Variants in GALNT13 observed in about 807,000 individuals in gnomAD.
GALNT13 encodes polypeptide N-acetylgalactosaminyltransferase 13.
GALNT13 carries 28 observed loss-of-function variants against 64.2 expected under a neutral mutation model. The observed-to-expected ratio is 0.44, with a 90% CI of 0.32 to 0.60. The LOEUF is 0.60. GALNT13 is among the 20% of genes least tolerant of loss of function. GALNT13 has a pLI of 0.05. For missense variants in GALNT13, 577 were observed against 669.8 expected (o/e 0.86, Z 1.53); for synonymous variants, 214 against 224.6 (o/e 0.95, Z 0.42).
chr2:153,569,113 G>A, the GALNT13 span, among the ~76,000 whole-genome samples: 4 of 152,074 alleles, frequency 2.6e-5, no homozygotes, highest in African/African-American at 7.2e-5. Context: ...TTTTTGGGGG[G>A]TACAGTGGAA....
chr2:153,126,045 A>G, the GALNT13 span, among the ~76,000 whole-genome samples: 11 of 151,858 alleles, frequency 7.2e-5, no homozygotes, highest in Non-Finnish European at 1.5e-4. Context: ...CAGTGCATCA[A>G]AAGACCTATA....
the GALNT13 span, among the ~76,000 whole-genome samples, chr2:153,403,723 C>G: frequency 6.6e-6 from 1 of 152,082 alleles, no homozygotes; most frequent in African/African-American, 2.4e-5. Context: ...TTTTTTGACT[C>G]GGAAAGGGAA....
chr2:153,339,919 T>C, the GALNT13 span, among the ~76,000 whole-genome samples: 1 of 152,206 alleles, frequency 6.6e-6, no homozygotes, highest in African/African-American at 2.4e-5. Context: ...TAAATGTGTA[T>C]ATTTATTTCT....
chr2:153,161,316 A>G, the GALNT13 span, among the ~76,000 whole-genome samples: 1 of 152,146 alleles, frequency 6.6e-6, no homozygotes, highest in Non-Finnish European at 1.5e-5. Context: ...CCGAGTATTA[A>G]CCGCATGTCA....
At chr2:153,116,041 TA>T in the GALNT13 span, among the ~76,000 whole-genome samples, 1 of 152,154 alleles carries the variant, frequency 6.6e-6, no homozygotes, top group African/African-American at 2.4e-5. Flanking sequence ...ATGGTTAAAT[TA>T]AAAGTGTGGT....
At chr2:153,495,030 A>G in the GALNT13 span, among the ~76,000 whole-genome samples, 1 of 152,160 alleles carries the variant, frequency 6.6e-6, no homozygotes, top group Non-Finnish European at 1.5e-5. Flanking sequence ...AATACTACAT[A>G]GACTAGTTAA....
chr2:153,927,779 C>T (rs189442350), intron 2 of GALNT13, among the ~76,000 whole-genome samples: 3 of 152,038 alleles, frequency 2.0e-5, no homozygotes, highest in African/African-American at 7.2e-5. Flanking sequence ...GGAAAAAAAC[C>T]GAAGCTCCAA....
At chr2:153,790,179 C>T in the GALNT13 span, among the ~76,000 whole-genome samples, 1 of 152,242 alleles carries the variant, frequency 6.6e-6, no homozygotes, top group African/African-American at 2.4e-5. Context: ...TGCAAAAACA[C>T]TCAAGAAAAT....
the GALNT13 span, among the ~76,000 whole-genome samples, chr2:153,855,766 A>T: frequency 6.6e-6 from 1 of 152,196 alleles, no homozygotes; most frequent in Non-Finnish European, 1.5e-5. Flanking sequence ...ACATACATCC[A>T]CACAAATACT....
chr2:153,898,702 A>C (rs1304562643), intron 1 of GALNT13, among the ~76,000 whole-genome samples: 1 of 152,010 alleles, frequency 6.6e-6, no homozygotes, highest in East Asian at 1.9e-4. Flanking sequence ...AAACCCACAA[A>C]ATTTTAAAAC....
chr2:154,199,331 A>G (rs1687048078), intron 4 of GALNT13, among the ~76,000 whole-genome samples: 1 of 152,078 alleles, frequency 6.6e-6, no homozygotes, highest in African/African-American at 2.4e-5. Context: ...TCTAGGAAGT[A>G]GAATAAAATA....
In GALNT13 at chr2:154,313,193, A is replaced by G. The variant is rs574866153; in HGVS notation, c.1156+11604A>G. Among the ~76,000 whole-genome samples, 2 of 150,276 alleles carry G rather than the reference A, an allele frequency of 1.3e-5. 1 individual carries two copies. Among genetic ancestry groups the G allele is most frequent in the Admixed American group, 1.3e-4 (2 of 15,028 alleles). ...GAATAGAACTTAAGTTCTAGCATAT[A>G]TGTACACATATGTGTATACATACAC... On this transcript the variant is annotated intron_variant, in intron 9 of 12. Transcript: ENST00000392825.
At chr2:153,880,724 A>G (rs921148944) in intron 1 of GALNT13, among the ~76,000 whole-genome samples, 66 of 152,170 alleles carry the variant, frequency 4.3e-4, no homozygotes, top group African/African-American at 1.5e-3. Flanking sequence ...AATATGGTGC[A>G]GATTTTATTC....
chr2:153,305,213 T>G, the GALNT13 span, among the ~76,000 whole-genome samples: 1 of 152,120 alleles, frequency 6.6e-6, no homozygotes, highest in African/African-American at 2.4e-5. Flanking sequence ...CTTATCAGTA[T>G]TCTGTGATGG....
the GALNT13 span, among the ~76,000 whole-genome samples, chr2:153,649,243 TA>T: frequency 6.6e-6 from 1 of 152,234 alleles, no homozygotes; most frequent in Non-Finnish European, 1.5e-5. Context: ...TTTTCTAGTT[TA>T]TTTGCACAGA....
At chr2:153,265,960 TCAGATGGTCGTTAA>T in the GALNT13 span, among the ~76,000 whole-genome samples, 1 of 152,316 alleles carries the variant, frequency 6.6e-6, no homozygotes, top group Middle Eastern at 3.4e-3. Flanking sequence ...TCACATACCC[TCAGATGGTCGTTAA>T]CAATTTTTTT....
At chr2:153,497,522 ATTTTTTTTTTTTTTTT>A in the GALNT13 span, among the ~76,000 whole-genome samples, 51 of 36,900 alleles carry the variant, frequency 1.4e-3, no homozygotes, top group South Asian at 4.4e-3. Context: ...TTTCTCCCGC[ATTTTTTTTTTTTTTTT>A]TTTTTTTTTT....
At chr2:154,199,768 A>G (rs1687075225) in intron 4 of GALNT13, among the ~76,000 whole-genome samples, 2 of 152,114 alleles carry the variant, frequency 1.3e-5, no homozygotes, top group South Asian at 4.1e-4. Context: ...GCAATTTTCT[A>G]AAAATCTAAT....
chr2:154,092,183 A>G (rs1458257935), intron 3 of GALNT13, among the ~76,000 whole-genome samples: 1 of 151,358 alleles, frequency 6.6e-6, no homozygotes, highest in Non-Finnish European at 1.5e-5. Flanking sequence ...GCTCAGGCCT[A>G]TGAGTCCTCT....
Sources: allele counts gnomAD v4.1 joint callset (sites outside exome capture counted in the v4.1 genomes callset), GRCh38; gene constraint gnomAD v4.1.1; transcripts MANE v1.5; gene names NCBI Gene and HGNC (gene_info 2026-07-23, HGNC 2026-07-21).